The following DENND1B variants were observed in gnomAD, a reference collection of about 807,000 sequenced individuals.
The protein encoded by DENND1B is DENN domain-containing protein 1B.
A neutral mutation model predicts 90.1 loss-of-function variants in DENND1B; 59 were observed. The ratio of observed to expected loss-of-function variants is 0.65; its 90% CI spans 0.53 to 0.81. The LOEUF is 0.81. Among genes scored for constraint, DENND1B ranks in the 40% least tolerant of loss-of-function variants. The pLI is 0.00. For missense variants in DENND1B, 862 were observed against 912.6 expected (o/e 0.94, Z 0.71); for synonymous variants, 337 against 324.6 (o/e 1.04, Z -0.41).
At chr1:197,594,914 A>T (rs1474909007) in intron 14 of DENND1B, among the ~76,000 whole-genome samples, 1 of 152,182 alleles carries the variant, frequency 6.6e-6, no homozygotes, top group Non-Finnish European at 1.5e-5. Context: ...GTTTTAAAAT[A>T]CAGTAATACA....
intron 7 of DENND1B, among the ~76,000 whole-genome samples, chr1:197,651,032 A>G (rs1653100178): frequency 6.6e-6 from 1 of 152,170 alleles, no homozygotes; most frequent in East Asian, 1.9e-4. Context: ...TAAAAAATTA[A>G]TTAATTTTTA....
intron 10 of DENND1B, among the ~76,000 whole-genome samples, chr1:197,632,915 G>A (rs1405304180): frequency 1.3e-5 from 2 of 152,148 alleles, no homozygotes; most frequent in Non-Finnish European, 2.9e-5. Flanking sequence ...AAAGAGAAAC[G>A]TGTCTTGAAC....
rs189545000 is a variant in DENND1B at position 197,683,022 on chromosome 1, G to T, written c.127-8853C>A. Among the ~76,000 whole-genome samples the T allele has an allele frequency of 3.3e-5, 5 of 152,192 alleles. No homozygotes were observed. In the South Asian group the frequency reaches 8.3e-4, roughly 25 times the overall value. ...ATAATTTACATCAGTGGAAATCAGC[G>T]AGTGTTTGTCTGGGGTAGGGGGAGG... On this transcript the variant is annotated intron_variant, in intron 3 of 22. Coordinates refer to ENST00000620048, the MANE Select transcript of DENND1B (RefSeq NM_001195215.2).
intron 15 of DENND1B, among the ~76,000 whole-genome samples, chr1:197,568,030 G>A (rs536903199): frequency 7.4e-5 from 11 of 149,048 alleles, no homozygotes; most frequent in African/African-American, 1.3e-4. Flanking sequence ...AGGAAGGGAC[G>A]GAGGGAAGGC....
chr1:197,555,384 T>C (rs1226261806), intron 15 of DENND1B, among the ~76,000 whole-genome samples: 1 of 152,022 alleles, frequency 6.6e-6, no homozygotes, highest in Non-Finnish European at 1.5e-5. Flanking sequence ...CTAAAGAGCT[T>C]CTGCACAGCA....
intron 10 of DENND1B, among the ~76,000 whole-genome samples, chr1:197,640,952 C>A (rs1417008917): frequency 1.3e-5 from 2 of 152,112 alleles, no homozygotes; most frequent in African/African-American, 4.8e-5. Context: ...AAAAAACAAA[C>A]AAACAAAATA....
intron 18 of DENND1B, 96 bp from the exon 19 acceptor site, chr1:197,541,111 A>G: frequency 1.9e-6 from 2 of 1,058,458 alleles, no homozygotes; most frequent in Middle Eastern, 2.1e-4. Flanking sequence ...ATTACTAAAT[A>G]TTCATATGAT....
Position 197,566,833 on chromosome 1 carries a change from C to A in DENND1B, c.1150-13721G>T, listed in dbSNP as rs1049941045. 4.0e-5 allele frequency among the ~76,000 whole-genome samples: 6 copies of A among 151,772 alleles called. No individual in the cohort carries two copies. In the South Asian group the frequency reaches 1.3e-3, roughly 32 times the overall value. ...AATTCCTGGAAAAGGTGTATCTGAGCTTGGTCTTAAAGAAAGAATAGACTG... is the reference window on the plus strand; with the variant it reads ...AATTCCTGGAAAAGGTGTATCTGAGATTGGTCTTAAAGAAAGAATAGACTG... On this transcript the variant is annotated intron_variant, in intron 15 of 22. Coordinates refer to ENST00000620048, the MANE Select transcript of DENND1B (RefSeq NM_001195215.2).
chr1:197,651,265 G>A (rs1328504635), intron 7 of DENND1B, among the ~76,000 whole-genome samples: 1 of 151,798 alleles, frequency 6.6e-6, no homozygotes, highest in Non-Finnish European at 1.5e-5. Context: ...AAACCATGAA[G>A]AAATTAATAA....
intron 3 of DENND1B, among the ~76,000 whole-genome samples, chr1:197,714,560 A>C (rs1660450253): frequency 6.6e-6 from 1 of 152,136 alleles, no homozygotes; most frequent in Admixed American, 6.6e-5. Flanking sequence ...GAACTATTTT[A>C]AAATAAAAAA....
intron 9 of DENND1B, among the ~76,000 whole-genome samples, chr1:197,643,172 C>CA (rs1680425320): frequency 6.9e-6 from 1 of 145,906 alleles, no homozygotes; most frequent in African/African-American, 2.5e-5. Context: ...CAAGAATCTG[C>CA]TTTTTTTTTT....
intron 3 of DENND1B, among the ~76,000 whole-genome samples, chr1:197,713,801 T>TTATAATATATTATAATAATATATTATA (rs1660243960): frequency 9.2e-5 from 3 of 32,602 alleles, no homozygotes; most frequent in Non-Finnish European, 1.7e-4. Context: ...TATTATTATA[T>TTATAATATATTATAATAATATATTATA]TATAATATAT....
intron 2 of DENND1B, among the ~76,000 whole-genome samples, chr1:197,718,258 G>A (rs919765483): frequency 3.3e-5 from 5 of 151,820 alleles, no homozygotes; most frequent in Admixed American, 6.6e-5. Context: ...AAGTCCCTGC[G>A]TTACAATGCC....
At chr1:197,695,358 G>A (rs561337031) in intron 3 of DENND1B, among the ~76,000 whole-genome samples, 81 of 150,930 alleles carry the variant, frequency 5.4e-4, no homozygotes, top group Middle Eastern at 3.4e-3. Context: ...CAAAGAAGCC[G>A]ATAGGAAATA....
intron 2 of DENND1B, among the ~76,000 whole-genome samples, chr1:197,717,827 G>A (rs1002250238): frequency 6.6e-6 from 1 of 151,846 alleles, no homozygotes; most frequent in Admixed American, 6.6e-5. Context: ...TACAAAAAGA[G>A]TATGCAGTAA....
At chr1:197,622,852 A>G (rs1410438787) in intron 10 of DENND1B, among the ~76,000 whole-genome samples, 1 of 151,522 alleles carries the variant, frequency 6.6e-6, no homozygotes, top group Non-Finnish European at 1.5e-5. Flanking sequence ...TCAGTCTATT[A>G]ATAAAACTAG....
chr1:197,623,055 C>T (rs1369476920), intron 10 of DENND1B, among the ~76,000 whole-genome samples: 3 of 151,274 alleles, frequency 2.0e-5, no homozygotes. Context: ...CTATTCTAGC[C>T]TCTGTATCAC....
chr1:197,775,939 G>A (rs911610931), upstream of DENND1B, among the ~76,000 whole-genome samples: 5 of 152,162 alleles, frequency 3.3e-5, no homozygotes, highest in Admixed American at 6.5e-5. Context: ...GAAATCCAGA[G>A]CTACCCCCTC....
chr1:197,769,672 G>C (rs1173315442), intron 2 of DENND1B, among the ~76,000 whole-genome samples: 2 of 151,868 alleles, frequency 1.3e-5, no homozygotes. Flanking sequence ...TCTTATGTTT[G>C]TACTCCAAAG....
Sources: allele counts gnomAD v4.1 joint callset (sites outside exome capture counted in the v4.1 genomes callset), GRCh38; gene constraint gnomAD v4.1.1; transcripts MANE v1.5; gene names NCBI Gene and HGNC (gene_info 2026-07-23, HGNC 2026-07-21).